The following PLCE1 variants were observed in gnomAD, a reference collection of about 807,000 sequenced individuals.
The protein encoded by PLCE1 is phospholipase C epsilon 1.
PLCE1 carries 119 observed loss-of-function variants against 242.8 expected under a neutral mutation model. That is an observed-to-expected ratio of 0.49 (90% CI 0.42 to 0.57). The LOEUF (loss-of-function observed/expected upper bound fraction) is 0.57. Among genes scored for constraint, PLCE1 ranks in the 20% least tolerant of loss-of-function variants. The probability of loss-of-function intolerance (pLI) is 0.00; values close to 1 mark genes in which losing one functional copy is unlikely to be tolerated. For synonymous variants in PLCE1, 945 were observed against 1,017.4 expected (o/e 0.93, Z 1.35); for missense variants, 2,441 against 2,788.8 (o/e 0.88, Z 2.81).
intron 22 of PLCE1, among the ~76,000 whole-genome samples, chr10:94,289,709 C>G (rs2052582323): frequency 6.6e-6 from 1 of 152,070 alleles, no homozygotes; most frequent in Non-Finnish European, 1.5e-5. Context: ...AATGGTACAT[C>G]TGTATAGGGC....
At chr10:94,218,929 A>G (rs906161078) in intron 4 of PLCE1, among the ~76,000 whole-genome samples, 21 of 147,282 alleles carry the variant, frequency 1.4e-4, no homozygotes, top group Non-Finnish European at 3.0e-4. Context: ...AAAAATTTTA[A>G]TTATAATTAT....
chr10:94,111,164 C>T (rs1012981900), intron 2 of PLCE1, among the ~76,000 whole-genome samples: 2 of 152,132 alleles, frequency 1.3e-5, no homozygotes, highest in African/African-American at 4.8e-5. Flanking sequence ...TCTAGAAATT[C>T]GTTCACTCAC....
intron 4 of PLCE1, among the ~76,000 whole-genome samples, chr10:94,175,591 C>T (rs1038525959): frequency 6.6e-6 from 1 of 152,214 alleles, no homozygotes; most frequent in African/African-American, 2.4e-5. Flanking sequence ...CCTTTTGTTA[C>T]TTTTAAATGT....
At chr10:94,238,028 A>G (rs576793948) in intron 7 of PLCE1, among the ~76,000 whole-genome samples, 1 of 152,356 alleles carries the variant, frequency 6.6e-6, no homozygotes, top group East Asian at 1.9e-4. Flanking sequence ...CCCCACCTAC[A>G]GGGTGCTCTT....
At chr10:94,060,732 A>C (rs1007039120) in intron 2 of PLCE1, among the ~76,000 whole-genome samples, 1 of 147,982 alleles carries the variant, frequency 6.8e-6, no homozygotes, top group Non-Finnish European at 1.5e-5. Flanking sequence ...TCACTCTGTC[A>C]CTCAGGCTAG....
At chr10:94,236,312 T>C (rs1308786620) in intron 7 of PLCE1, among the ~76,000 whole-genome samples, 192 bp downstream of exon 7, 1 of 152,196 alleles carries the variant, frequency 6.6e-6, no homozygotes, top group East Asian at 1.9e-4. Flanking sequence ...TTTTGCTGCT[T>C]TGTTCTAAAA....
intron 2 of PLCE1, among the ~76,000 whole-genome samples, chr10:94,071,448 T>C (rs78727027): frequency 0.011 from 1,626 of 151,402 alleles, 33 homozygotes; most frequent in African/African-American, 0.036. Context: ...TCTAGTTACA[T>C]AGAAAGTCTT....
rs181162288 is a variant in PLCE1, at chr10:94,051,356, T to G, written c.1206+19104T>G. Among the ~76,000 whole-genome samples, 223 of 142,646 alleles carry G rather than the reference T, an allele frequency of 1.6e-3. 1 individual carries two copies. The highest frequency in any genetic ancestry group is 5.7e-3 in the African/African-American group (214 of 37,278). 93.6% of individuals were successfully genotyped at this position (142,646 alleles called of 152,430 possible). On this transcript the variant is annotated intron_variant, in intron 2 of 32. Transcript: ENST00000371380. ...GAAGAAATGGAAATTGCAGAAGAGA[T>G]TTGCAGTTTTTCATGTGTAAGAACC...
At chr10:94,294,495 C>T (rs765671114) in intron 23 of PLCE1, among the ~76,000 whole-genome samples, 1 of 152,124 alleles carries the variant, frequency 6.6e-6, no homozygotes, top group Admixed American at 6.5e-5. Context: ...ATTGCAGGTT[C>T]GGTTCCAGAC....
chr10:94,180,099 AGTT>A (rs61018686), intron 4 of PLCE1, among the ~76,000 whole-genome samples: 45,136 of 151,852 alleles, frequency 0.3, 7,530 homozygotes, highest in Non-Finnish European at 0.39. Flanking sequence ...AGTTGAACCC[AGTT>A]GTTCTGGCTT....
chr10:94,116,107 CCT>C (rs773891469), intron 2 of PLCE1, among the ~76,000 whole-genome samples: 4 of 152,166 alleles, frequency 2.6e-5, no homozygotes, highest in Non-Finnish European at 5.9e-5. Context: ...CCTGCTCCTT[CCT>C]CTCTCCATCC....
chr10:94,208,476 G>C (rs753137998), intron 4 of PLCE1, among the ~76,000 whole-genome samples: 2 of 152,192 alleles, frequency 1.3e-5, no homozygotes, highest in Non-Finnish European at 2.9e-5. Flanking sequence ...GCAAAGTGTG[G>C]TCCCCCGACC....
At chr10:94,023,621 A>C (rs1457037246) in intron 1 of PLCE1, among the ~76,000 whole-genome samples, 1 of 152,122 alleles carries the variant, frequency 6.6e-6, no homozygotes, top group East Asian at 1.9e-4. Flanking sequence ...TACAGGGAAG[A>C]TTTCCTTTCC....
At chr10:94,051,518 A>C (rs1004516463) in intron 2 of PLCE1, among the ~76,000 whole-genome samples, 1 of 152,162 alleles carries the variant, frequency 6.6e-6, no homozygotes, top group Non-Finnish European at 1.5e-5. Flanking sequence ...TCATTCAAAT[A>C]ATTTTGTAGA....
Position 94,308,741 on chromosome 10 carries a change from C to T in PLCE1, c.6003+42C>T, listed in dbSNP as rs1430759496. On this transcript the variant is annotated intron_variant, in intron 27 of 32. Coordinates refer to ENST00000371380, the MANE Select transcript of PLCE1 (RefSeq NM_016341.4). The stretch of plus-strand genomic sequence containing the variant: ...TCACTCAACATATTTATGGGGATTG[C>T]TACACTGAAGGTGGGCTTTTTTGTG... The T allele has an allele frequency of 2.3e-6, 3 of 1,315,718 alleles. No homozygotes were observed. The Admixed American group carries it at 5.0e-5, about 22-fold the overall frequency. The allele number at this position is 1,315,718 out of a possible 1,614,324, so 81.5% of individuals were successfully genotyped here.
intron 29 of PLCE1, among the ~76,000 whole-genome samples, chr10:94,317,248 CTG>C (rs887804511): frequency 2.0e-5 from 3 of 151,716 alleles, no homozygotes; most frequent in African/African-American, 7.3e-5. Context: ...GAACAAGACT[CTG>C]TCTCAAAAAA....
Position 94,173,911 on chromosome 10 carries a change from G to C in PLCE1, c.1809+2415G>C, listed in dbSNP as rs192369003. On this transcript the variant is annotated intron_variant, in intron 4 of 32. Transcript: ENST00000371380. ...ATCCCAAATGATCTCTACTGGACACGACTGGAATAGCTAAATTCTAGTTCT... is the reference window on the plus strand; with the variant it reads ...ATCCCAAATGATCTCTACTGGACACCACTGGAATAGCTAAATTCTAGTTCT... Among the ~76,000 whole-genome samples the C allele has an allele frequency of 1.6e-4, 24 of 152,280 alleles. No homozygotes were observed. In the East Asian group the frequency reaches 4.2e-3, roughly 27 times the overall value.
chr10:93,998,720 G>C (rs2060876979), intron 1 of PLCE1, among the ~76,000 whole-genome samples: 1 of 152,192 alleles, frequency 6.6e-6, no homozygotes, highest in Non-Finnish European at 1.5e-5. Flanking sequence ...GCAGTGTTAG[G>C]TTTTGGGGAG....
chr10:94,316,277 T>A (rs1449046382), intron 28 of PLCE1, among the ~76,000 whole-genome samples: 1 of 152,176 alleles, frequency 6.6e-6, no homozygotes, highest in Admixed American at 6.5e-5. Flanking sequence ...AACCTAAAAT[T>A]TTTAATTCAC....
Sources: gnomAD v4.1 joint callset for allele counts (sites outside exome capture counted in the v4.1 genomes callset) on GRCh38, gnomAD v4.1.1 for gene constraint, MANE v1.5 for transcripts, NCBI Gene and HGNC (gene_info 2026-07-23, HGNC 2026-07-21) for gene names.